Variants in KCNIP4 observed in about 807,000 individuals in gnomAD.
KCNIP4 encodes the protein Kv channel-interacting protein 4.
In KCNIP4, 12 loss-of-function variants were observed where a neutral mutation model predicts 34.0. The observed-to-expected ratio is 0.35, with a 90% CI of 0.23 to 0.57. The LOEUF is 0.57. KCNIP4 is among the 20% of genes least tolerant of loss of function. The probability of loss-of-function intolerance (pLI) is 0.83; values close to 1 mark genes in which losing one functional copy is unlikely to be tolerated. For missense variants in KCNIP4, 238 were observed against 311.7 expected (o/e 0.76, Z 1.78); for synonymous variants, 124 against 102.2 (o/e 1.21, Z -1.29).
chr4:21,122,804 T>C (rs754623949), intron 1 of KCNIP4, among the ~76,000 whole-genome samples: 1 of 152,178 alleles, frequency 6.6e-6, no homozygotes, highest in Non-Finnish European at 1.5e-5. Flanking sequence ...CAACTGAGTC[T>C]GGTACCTTGC....
intron 1 of KCNIP4, among the ~76,000 whole-genome samples, chr4:20,952,148 T>A (rs148212393): frequency 2.6e-5 from 4 of 152,298 alleles, no homozygotes; most frequent in African/African-American, 9.6e-5. Context: ...CTTCTGCTTT[T>A]ATTATTGATC....
At chr4:21,346,237 A>ATATATATAATCT in intron 1 of KCNIP4, among the ~76,000 whole-genome samples, 1 of 112,664 alleles carries the variant, frequency 8.9e-6, no homozygotes, top group South Asian at 2.2e-4. Context: ...CTATATATAT[A>ATATATATAATCT]ATATATATTA....
At chr4:21,825,270 A>C (rs1344235973) in intron 1 of KCNIP4, among the ~76,000 whole-genome samples, 1 of 152,100 alleles carries the variant, frequency 6.6e-6, no homozygotes, top group Non-Finnish European at 1.5e-5. Flanking sequence ...TTGTAGAAAT[A>C]AACATGAAAA....
intron 1 of KCNIP4, among the ~76,000 whole-genome samples, chr4:21,055,901 T>G (rs1743356534): frequency 6.6e-6 from 1 of 152,188 alleles, no homozygotes; most frequent in Non-Finnish European, 1.5e-5. Context: ...ACCCCTAGAA[T>G]GTACAATATC....
At chr4:21,261,373 A>G (rs1761458001) in intron 1 of KCNIP4, among the ~76,000 whole-genome samples, 1 of 152,194 alleles carries the variant, frequency 6.6e-6, no homozygotes, top group Non-Finnish European at 1.5e-5. Context: ...TACACATCAT[A>G]CAGAGTATTA....
chr4:21,512,231 T>C (rs952787169), intron 1 of KCNIP4, among the ~76,000 whole-genome samples: 3 of 151,754 alleles, frequency 2.0e-5, no homozygotes, highest in African/African-American at 4.8e-5. Flanking sequence ...GAAGTCTCCT[T>C]TGTATCAGAA....
chr4:21,167,403 G>A (rs867681407), intron 1 of KCNIP4, among the ~76,000 whole-genome samples: 2 of 152,222 alleles, frequency 1.3e-5, no homozygotes, highest in Non-Finnish European at 1.5e-5. Flanking sequence ...TTATCATTTA[G>A]AATTTTTTAC....
intron 3 of KCNIP4, among the ~76,000 whole-genome samples, chr4:20,801,099 C>T (rs1257131709): frequency 6.6e-6 from 1 of 152,112 alleles, no homozygotes; most frequent in Non-Finnish European, 1.5e-5. Context: ...TCAACAGAAA[C>T]TTTGCAGACA....
chr4:21,456,158 G>A (rs553749998), intron 1 of KCNIP4, among the ~76,000 whole-genome samples: 3 of 146,846 alleles, frequency 2.0e-5, no homozygotes, highest in East Asian at 3.9e-4. Context: ...CACTTGATAT[G>A]GTATTACCTT....
intron 1 of KCNIP4, among the ~76,000 whole-genome samples, chr4:21,028,777 A>T (rs1413368394): frequency 6.6e-6 from 1 of 152,242 alleles, no homozygotes; most frequent in Non-Finnish European, 1.5e-5. Flanking sequence ...AAGTGCAGGC[A>T]TAGAATGATG....
At chr4:20,947,030 TCTGGCATAC>T (rs1354910035) in intron 1 of KCNIP4, among the ~76,000 whole-genome samples, 5 of 152,226 alleles carry the variant, frequency 3.3e-5, no homozygotes, top group African/African-American at 1.2e-4. Flanking sequence ...TGAGCCTCTC[TCTGGCATAC>T]CTGGCATACC....
intron 1 of KCNIP4, among the ~76,000 whole-genome samples, chr4:21,327,582 C>A (rs577194101): frequency 6.6e-6 from 1 of 151,994 alleles, no homozygotes; most frequent in Non-Finnish European, 1.5e-5. Flanking sequence ...TGAATAATAT[C>A]TTTTTCTAGT....
At chr4:21,465,033 TG>T (rs1729791890) in intron 1 of KCNIP4, among the ~76,000 whole-genome samples, 1 of 152,090 alleles carries the variant, frequency 6.6e-6, no homozygotes, top group African/African-American at 2.4e-5. Flanking sequence ...ACAGGATTGT[TG>T]GGGGATTACT....
chr4:21,847,232 TAA>T (rs767506157), intron 1 of KCNIP4: 1 of 152,122 alleles, frequency 6.6e-6, no homozygotes, highest in Non-Finnish European at 1.5e-5. Context: ...CTCAGGTTAG[TAA>T]AATGCAATAG....
At chr4:21,593,717 C>T (rs1439718726) in intron 1 of KCNIP4, among the ~76,000 whole-genome samples, 1 of 152,132 alleles carries the variant, frequency 6.6e-6, no homozygotes, top group Middle Eastern at 3.2e-3. Flanking sequence ...CACATCAAGA[C>T]AGATGCATGC....
intron 1 of KCNIP4, among the ~76,000 whole-genome samples, chr4:21,083,100 C>T (rs543907416): frequency 6.6e-6 from 1 of 151,820 alleles, no homozygotes; most frequent in African/African-American, 2.4e-5. Flanking sequence ...ATCATATTGC[C>T]TTGCTTTTGT....
At chr4:21,204,849 C>A (rs1006223849) in intron 1 of KCNIP4, among the ~76,000 whole-genome samples, 1 of 152,002 alleles carries the variant, frequency 6.6e-6, no homozygotes, top group Non-Finnish European at 1.5e-5. Flanking sequence ...GAAATGTTCC[C>A]GATATAGTTG....
At chr4:21,696,764 A>T (rs569465210) in intron 1 of KCNIP4, among the ~76,000 whole-genome samples, 1 of 152,168 alleles carries the variant, frequency 6.6e-6, no homozygotes, top group African/African-American at 2.4e-5. Context: ...GAAAATTTTT[A>T]AACATTGAAA....
intron 1 of KCNIP4, among the ~76,000 whole-genome samples, chr4:21,132,833 A>T (rs1751177361): frequency 6.9e-6 from 1 of 144,674 alleles, no homozygotes; most frequent in South Asian, 2.2e-4. Flanking sequence ...ACATGGTGAA[A>T]TGTCGTCTCT....
Sources: gnomAD v4.1 joint callset for allele counts (sites outside exome capture counted in the v4.1 genomes callset) on GRCh38, gnomAD v4.1.1 for gene constraint, MANE v1.5 for transcripts, NCBI Gene and HGNC (gene_info 2026-07-23, HGNC 2026-07-21) for gene names.